The following ZNF609 variants were observed in gnomAD, a reference collection of about 807,000 sequenced individuals.
The protein encoded by ZNF609 is zinc finger protein 609.
Under a neutral mutation model 109.5 loss-of-function variants are expected in ZNF609, and 11 were observed. The ratio of observed to expected loss-of-function variants is 0.10; its 90% CI spans 0.06 to 0.17. The LOEUF is 0.17. Among genes scored for constraint, ZNF609 ranks in the 10% least tolerant of loss-of-function variants. ZNF609 has a pLI of 1.00. For synonymous variants in ZNF609, 646 were observed against 662.0 expected (o/e 0.98, Z 0.37); for missense variants, 1,559 against 1,772.4 (o/e 0.88, Z 2.16).
intron 2 of ZNF609, among the ~76,000 whole-genome samples, chr15:64,602,823 C>T (rs1357023774): frequency 1.4e-4 from 21 of 146,014 alleles, no homozygotes; most frequent in African/African-American, 4.1e-4. Flanking sequence ...CCTGGGTTCA[C>T]GCCATTCTCC....
chr15:64,603,803 A>G (rs914604093), intron 2 of ZNF609, among the ~76,000 whole-genome samples: 2 of 151,780 alleles, frequency 1.3e-5, no homozygotes, highest in Admixed American at 6.6e-5. Flanking sequence ...GTTTGAGACC[A>G]GCCTGGCCAA....
chr15:64,595,516 T>C (rs1895381451), intron 2 of ZNF609, among the ~76,000 whole-genome samples: 1 of 152,070 alleles, frequency 6.6e-6, no homozygotes, highest in African/African-American at 2.4e-5. Flanking sequence ...TCAGGTCATG[T>C]GTGATATAGA....
intron 2 of ZNF609, among the ~76,000 whole-genome samples, chr15:64,599,794 T>C (rs1232542018): frequency 6.6e-6 from 1 of 152,168 alleles, no homozygotes; most frequent in African/African-American, 2.4e-5. Flanking sequence ...ACCAAGCAGC[T>C]TGTTGTTCTT....
At chr15:64,523,735 C>T (rs1189968330) in intron 2 of ZNF609, among the ~76,000 whole-genome samples, 6 of 151,696 alleles carry the variant, frequency 4.0e-5, no homozygotes, top group African/African-American at 4.8e-5. Context: ...TGCACTCCAG[C>T]CTGGGCAACA....
chr15:64,608,218 C>T (rs1311430829), intron 2 of ZNF609, among the ~76,000 whole-genome samples: 3 of 152,070 alleles, frequency 2.0e-5, no homozygotes, highest in African/African-American at 7.2e-5. Flanking sequence ...TATTTTAATT[C>T]TAGTCTGGTA....
intron 2 of ZNF609, among the ~76,000 whole-genome samples, chr15:64,606,515 T>G (rs1451887082): frequency 2.9e-5 from 4 of 136,810 alleles, no homozygotes; most frequent in African/African-American, 1.1e-4. Flanking sequence ...GCCGAGACCA[T>G]GCCACTGCAC....
At chr15:64,631,321 C>T (rs917566848) in intron 3 of ZNF609, 10 of 695,830 alleles carry the variant, frequency 1.4e-5, no homozygotes, top group Non-Finnish European at 2.7e-5. Context: ...GTGCTGAATA[C>T]ACACATTAAT....
At chr15:64,593,776 T>C (rs1412247500) in intron 2 of ZNF609, among the ~76,000 whole-genome samples, 1 of 152,208 alleles carries the variant, frequency 6.6e-6, no homozygotes, top group Non-Finnish European at 1.5e-5. Context: ...GTGATCCACC[T>C]GCCTACAGTG....
chr15:64,483,998 G>A (rs1240781338), intron 1 of ZNF609, among the ~76,000 whole-genome samples: 3 of 148,980 alleles, frequency 2.0e-5, no homozygotes, highest in Non-Finnish European at 4.4e-5. Flanking sequence ...CTGCTTCCTT[G>A]TTAATCAAAT....
intron 5 of ZNF609, among the ~76,000 whole-genome samples, chr15:64,676,929 AT>A (rs1365246693): frequency 1.3e-5 from 2 of 150,460 alleles, no homozygotes; most frequent in Non-Finnish European, 3.0e-5. Flanking sequence ...AATTTTTTGT[AT>A]TTTTAGTAGA....
At chr15:64,649,034 A>G (rs1452111786) in intron 3 of ZNF609, among the ~76,000 whole-genome samples, 1 of 152,164 alleles carries the variant, frequency 6.6e-6, no homozygotes, top group Non-Finnish European at 1.5e-5. Context: ...ACATAAGAGA[A>G]AGAATTTGAA....
At chr15:64,532,718 G>C (rs546899796) in intron 2 of ZNF609, among the ~76,000 whole-genome samples, 7 of 152,228 alleles carry the variant, frequency 4.6e-5, no homozygotes, top group African/African-American at 1.2e-4. Context: ...TGTTAAGTTG[G>C]GAAACCCCAG....
At position 64,594,753 on chromosome 15, in the gene ZNF609, G is replaced by A. The variant is rs572538278; in HGVS notation, c.748-28074G>A. Among the ~76,000 whole-genome samples the A allele has an allele frequency of 2.6e-5, 4 of 151,984 alleles. No individual in the cohort carries two copies. In the South Asian group the frequency reaches 6.2e-4, roughly 24 times the overall value. ...AGAAAAGAATGTGTCTCGGCCGGGC[G>A]CGGTGGCTCACGCCTGTAATCCCAG... On this transcript the variant is annotated intron_variant, in intron 2 of 9. Transcript: ENST00000326648.
chr15:64,461,127 G>A (rs1441339189), intron 1 of ZNF609, among the ~76,000 whole-genome samples: 1 of 149,948 alleles, frequency 6.7e-6, no homozygotes, highest in Non-Finnish European at 1.5e-5. Context: ...GGTCTGGCTA[G>A]GTTATGGGAG....
At chr15:64,635,441 G>A (rs1896158749) in intron 3 of ZNF609, among the ~76,000 whole-genome samples, 1 of 152,140 alleles carries the variant, frequency 6.6e-6, no homozygotes, top group East Asian at 1.9e-4. Context: ...CTGTTAATAA[G>A]GTCGTTTGAC....
At chr15:64,573,104 G>C (rs539862870) in intron 2 of ZNF609, among the ~76,000 whole-genome samples, 2 of 152,042 alleles carry the variant, frequency 1.3e-5, no homozygotes, top group African/African-American at 4.8e-5. Context: ...CCAACGTGTA[G>C]CAGACATGAA....
intron 5 of ZNF609, among the ~76,000 whole-genome samples, chr15:64,677,649 C>A (rs1896826791): frequency 6.6e-6 from 1 of 152,198 alleles, no homozygotes; most frequent in South Asian, 2.1e-4. Flanking sequence ...ATATCTTGCT[C>A]TGCTCATGAG....
At chr15:64,631,503 A>AAT (rs1487354676) in intron 3 of ZNF609, 1 of 682,704 alleles carries the variant, frequency 1.5e-6, no homozygotes, top group Non-Finnish European at 2.7e-6. Flanking sequence ...ATTCGCATAT[A>AAT]CATGGCCAAA....
At chr15:64,462,823 GAAAT>G (rs777999735) in intron 1 of ZNF609, among the ~76,000 whole-genome samples, 2 of 152,128 alleles carry the variant, frequency 1.3e-5, no homozygotes, top group African/African-American at 4.8e-5. Flanking sequence ...ATTTGCCAAA[GAAAT>G]AAACATTTTT....
Sources: allele counts gnomAD v4.1 joint callset (sites outside exome capture counted in the v4.1 genomes callset), GRCh38; gene constraint gnomAD v4.1.1; transcripts MANE v1.5; gene names NCBI Gene and HGNC (gene_info 2026-07-23, HGNC 2026-07-21).